Variants in ENPP1 observed in about 807,000 individuals in gnomAD.
The protein encoded by ENPP1 is ectonucleotide pyrophosphatase/phosphodiesterase family member 1.
A neutral mutation model predicts 122.8 loss-of-function variants in ENPP1; 73 were observed. The observed-to-expected ratio is 0.59, with a 90% CI of 0.49 to 0.72. The LOEUF is 0.72. ENPP1 is among the 30% of genes least tolerant of loss of function. The pLI, the probability that ENPP1 is intolerant of heterozygous loss-of-function variation, is 0.00. For missense variants in ENPP1, 978 were observed against 1,128.1 expected, an observed-to-expected ratio of 0.87 and a Z score of 1.91; for synonymous variants, 367 against 391.6, an observed-to-expected ratio of 0.94 and a Z score of 0.74.
chr6:131,872,830 A>T (rs1449285306), intron 14 of ENPP1, 93 bp from the exon 15 acceptor site: 21 of 1,277,652 alleles, frequency 1.6e-5, no homozygotes, highest in Non-Finnish European at 2.2e-5. Flanking sequence ...TTAGGGAAAT[A>T]TCTTTCCCTA....
intron 5 of ENPP1, 53 bp downstream of exon 5, chr6:131,852,288 AT>A (rs1217752732): frequency 3.8e-6 from 4 of 1,066,334 alleles, no homozygotes; most frequent in South Asian, 1.3e-5. Flanking sequence ...GTACAGCATC[AT>A]TTTTTTCTTT....
chr6:131,875,960 T>C, intron 17 of ENPP1, 97 bp downstream of exon 17: 1 of 933,250 alleles, frequency 1.1e-6, no homozygotes, highest in South Asian at 1.3e-5. Flanking sequence ...GTGGAGATGA[T>C]GGTGAGGCAA....
rs59956343 is a variant in ENPP1 at position 131,847,856 on chromosome 6, GGTGTGTGTGTGTGTGT to G, written c.313+31_313+46del. The G allele has an allele frequency of 1.6e-5, 19 of 1,182,004 alleles. No individual in the cohort carries two copies. Among genetic ancestry groups the G allele is most frequent in the South Asian group, 1.1e-4 (8 of 74,978 alleles). 73.2% of individuals were successfully genotyped at this position (1,182,004 alleles called of 1,614,324 possible). On this transcript the variant is annotated intron_variant, in intron 2 of 24. Transcript: ENST00000647893. Reference sequence around the variant, plus strand: ...CAAGCTGTGCCAAAGAAGGTAATTAGGTGTGTGTGTGTGTGTGTGTGTGTGTGTGTGTGTGTGTATG... The same window carrying G: ...CAAGCTGTGCCAAAGAAGGTAATTAGGTGTGTGTGTGTGTGTGTGTGTATG...
chr6:131,875,719 G>A (rs998662981), intron 16 of ENPP1, 57 bp from the exon 17 acceptor site: 2 of 1,392,002 alleles, frequency 1.4e-6, no homozygotes, highest in Middle Eastern at 1.8e-4. Context: ...AGAATTTTTG[G>A]GACCAACTTG....
intron 1 of ENPP1, among the ~76,000 whole-genome samples, chr6:131,824,798 C>T (rs563871525): frequency 4.5e-4 from 68 of 152,140 alleles, no homozygotes; most frequent in African/African-American, 1.5e-3. Context: ...CAGTGGCTCA[C>T]GCCTGTAATC....
chr6:131,875,931 T>A, intron 17 of ENPP1, 68 bp downstream of exon 17: 1 of 1,320,100 alleles, frequency 7.6e-7, no homozygotes, highest in Non-Finnish European at 1.1e-6. Context: ...CAAAAGCAGG[T>A]CACATTGTAG....
chr6:131,859,781 G>A (rs2114701407), intron 7 of ENPP1, among the ~76,000 whole-genome samples: 1 of 152,218 alleles, frequency 6.6e-6, no homozygotes, highest in Non-Finnish European at 1.5e-5. Context: ...ATTGTCAGTT[G>A]GCCTTTTGGT....
In ENPP1 at chr6:131,858,764, A is replaced by C. The variant is rs765330478; in HGVS notation, c.795+17A>C. ...ATTGTCACCGTAAGCTCTGCATTTC[A>C]ACTTCTATCTGTTTGAAGAAGTGAG... On this transcript the variant is annotated intron_variant, in intron 7 of 24. Coordinates refer to ENST00000647893, the MANE Select transcript of ENPP1 (RefSeq NM_006208.3). 20 of 1,555,310 alleles carry C rather than the reference A, an allele frequency of 1.3e-5. No homozygotes were observed. Among genetic ancestry groups the C allele is most frequent in the African/African-American group, 5.4e-5 (4 of 73,808 alleles).
chr6:131,808,313 G>C (rs1283988499), intron 1 of ENPP1, 38 bp downstream of exon 1: 1 of 1,476,786 alleles, frequency 6.8e-7, no homozygotes, highest in Non-Finnish European at 9.0e-7. Flanking sequence ...CGGGAGGGCT[G>C]GGAGTACGGG....
chr6:131,869,854 T>TAAAAA (rs757712283), intron 13 of ENPP1, among the ~76,000 whole-genome samples: 4 of 99,042 alleles, frequency 4.0e-5, no homozygotes, highest in Non-Finnish European at 6.2e-5. Context: ...AGACTTGGTC[T>TAAAAA]AAAAAAAAAA....
At chr6:131,887,934 C>T (rs1397939884) in intron 24 of ENPP1, among the ~76,000 whole-genome samples, 4 of 146,884 alleles carry the variant, frequency 2.7e-5, no homozygotes, top group African/African-American at 1.0e-4. Context: ...GATCTCGGCT[C>T]CCTGCAACCT....
chr6:131,867,121 G>A (rs1161869686), intron 11 of ENPP1, among the ~76,000 whole-genome samples: 1 of 152,072 alleles, frequency 6.6e-6, no homozygotes, highest in African/African-American at 2.4e-5. Context: ...AACATTACTG[G>A]CACACCAAAA....
rs1585809943 is a variant in ENPP1 at position 131,843,677 on chromosome 6, C to T, written c.241-4099C>T. Among the ~76,000 whole-genome samples, 3 of 150,570 alleles carry T rather than the reference C, an allele frequency of 2.0e-5. No individual in the cohort carries two copies. In the South Asian group the frequency reaches 6.3e-4, roughly 31 times the overall value. ...ATGTCGTCTTTTTTTTTTTTTTCCCCCATTTTCCCACTTCCACTCTTAGAA... is the reference window on the plus strand; with the variant it reads ...ATGTCGTCTTTTTTTTTTTTTTCCCTCATTTTCCCACTTCCACTCTTAGAA... On this transcript the variant is annotated intron_variant, in intron 1 of 24. Transcript: ENST00000647893.
At chr6:131,833,218 C>CACA (rs780436590) in intron 1 of ENPP1, among the ~76,000 whole-genome samples, 82 of 151,916 alleles carry the variant, frequency 5.4e-4, no homozygotes, top group Admixed American at 1.1e-3. Flanking sequence ...CTTGTCAGAG[C>CACA]TTGTGATTAT....
At chr6:131,883,082 GC>G (rs1307555410) in intron 21 of ENPP1, among the ~76,000 whole-genome samples, 1 of 152,114 alleles carries the variant, frequency 6.6e-6, no homozygotes, top group African/African-American at 2.4e-5. Context: ...TTTTGAAATG[GC>G]AAATTTGTAT....
intron 9 of ENPP1, among the ~76,000 whole-genome samples, chr6:131,862,036 G>A (rs545594805): frequency 3.2e-4 from 49 of 152,204 alleles, no homozygotes; most frequent in African/African-American, 1.1e-3. Flanking sequence ...AGGCGTGATG[G>A]CGGGCGCCTG....
chr6:131,834,470 T>C (rs1781649138), intron 1 of ENPP1, among the ~76,000 whole-genome samples: 1 of 152,070 alleles, frequency 6.6e-6, no homozygotes, highest in Non-Finnish European at 1.5e-5. Flanking sequence ...AAGCTTCTCA[T>C]TCTAATAGCC....
At chr6:131,866,324 G>C (rs116116997) in intron 11 of ENPP1, among the ~76,000 whole-genome samples, 3,038 of 152,240 alleles carry the variant, frequency 0.02, 115 homozygotes, top group African/African-American at 0.066. Context: ...TGGATAGTCG[G>C]TGAGCCTTAA....
chr6:131,837,831 T>C (rs1781695917), intron 1 of ENPP1, among the ~76,000 whole-genome samples: 1 of 152,238 alleles, frequency 6.6e-6, no homozygotes, highest in Non-Finnish European at 1.5e-5. Context: ...CAGGCATTAA[T>C]ATTTAATCTT....
Sources: allele counts gnomAD v4.1 joint callset (sites outside exome capture counted in the v4.1 genomes callset), GRCh38; gene constraint gnomAD v4.1.1; transcripts MANE v1.5; gene names NCBI Gene and HGNC (gene_info 2026-07-23, HGNC 2026-07-21).